CADM2: variants seen among roughly 807,000 people sequenced by gnomAD.
The protein encoded by CADM2 is immunoglobulin superfamily member 4D.
CADM2 carries 12 observed loss-of-function variants against 49.8 expected under a neutral mutation model. That is an observed-to-expected ratio of 0.24 (90% confidence interval 0.15 to 0.39). The LOEUF is 0.39. Ranked by LOEUF, CADM2 falls within the 10% of genes least tolerant of loss-of-function variation. The pLI, the probability that CADM2 is intolerant of heterozygous loss-of-function variation, is 1.00. For missense variants in CADM2, 378 were observed against 492.3 expected (o/e 0.77, Z 2.20); for synonymous variants, 214 against 175.4 (o/e 1.22, Z -1.74).
At chr3:85,897,139 T>G (rs1270614599) in intron 5 of CADM2, among the ~76,000 whole-genome samples, 1 of 151,886 alleles carries the variant, frequency 6.6e-6, no homozygotes, top group Non-Finnish European at 1.5e-5. Flanking sequence ...TTCTACCTTA[T>G]GAGTTCTTTC....
chr3:85,994,443 G>A lies in CADM2; in HGVS notation c.970+32796G>A, dbSNP rs567326830. On this transcript the variant is annotated intron_variant, in intron 8 of 9. Transcript: ENST00000383699. Reference sequence around the variant, plus strand: ...AAACTTTCTCTATATCAGCAATAAGGCTGTTTTGCTCCCTTATAATTTACA... The same window carrying A: ...AAACTTTCTCTATATCAGCAATAAGACTGTTTTGCTCCCTTATAATTTACA... 23 of 152,208 alleles carry A rather than the reference G, an allele frequency of 1.5e-4. 1 individual carries two copies. Among genetic ancestry groups the A allele is most frequent in the Admixed American group, 4.6e-4 (7 of 15,270 alleles). The allele number at this position is 152,208 out of a possible 1,614,324, so 9.4% of individuals were successfully genotyped here. A position where few individuals can be genotyped will look rare whatever the true frequency, so the allele number is the denominator to read the frequency against.
At chr3:85,592,661 T>C (rs1306963010) in intron 1 of CADM2, among the ~76,000 whole-genome samples, 5 of 151,862 alleles carry the variant, frequency 3.3e-5, no homozygotes, top group African/African-American at 1.2e-4. Flanking sequence ...GTAAGAAATA[T>C]AACTTGAGAA....
chr3:85,312,369 T>C (rs1167495559), intron 1 of CADM2, among the ~76,000 whole-genome samples: 1 of 152,170 alleles, frequency 6.6e-6, no homozygotes, highest in African/African-American at 2.4e-5. Flanking sequence ...AGGATGACAA[T>C]GTTGCATCAA....
At chr3:85,479,820 T>A (rs1218748636) in intron 1 of CADM2, among the ~76,000 whole-genome samples, 1 of 151,956 alleles carries the variant, frequency 6.6e-6, no homozygotes. Flanking sequence ...GAGAAAAGGA[T>A]ATGTCCTGTT....
At chr3:85,049,512 G>A (rs1374886036) in intron 1 of CADM2, among the ~76,000 whole-genome samples, 1 of 151,656 alleles carries the variant, frequency 6.6e-6, no homozygotes, top group Non-Finnish European at 1.5e-5. Flanking sequence ...CACCACACCC[G>A]GCTATTTCTT....
intron 1 of CADM2, among the ~76,000 whole-genome samples, chr3:85,121,383 C>T (rs1416371474): frequency 1.3e-5 from 2 of 152,158 alleles, no homozygotes; most frequent in Non-Finnish European, 2.9e-5. Context: ...GAAATTATTA[C>T]ATATTCCTGT....
intron 1 of CADM2, among the ~76,000 whole-genome samples, chr3:85,155,633 A>G (rs553194430): frequency 1.3e-5 from 2 of 152,182 alleles, no homozygotes; most frequent in East Asian, 3.9e-4. Flanking sequence ...TCAACAGAAT[A>G]TACATTTTTT....
At chr3:85,458,705 A>G (rs2038105835) in intron 1 of CADM2, among the ~76,000 whole-genome samples, 1 of 151,970 alleles carries the variant, frequency 6.6e-6, no homozygotes, top group Non-Finnish European at 1.5e-5. Flanking sequence ...GTGGGAGACA[A>G]GCTCTGAGAT....
Position 85,793,889 on chromosome 3 carries a change from G to A in CADM2, c.89-8158G>A, listed in dbSNP as rs1161754321. Reference sequence around the variant, plus strand: ...GTTGATGCAAGATTTATTGGACAAGGAAGAAAAGGTAAAATACTTTCAAAA... The same window carrying A: ...GTTGATGCAAGATTTATTGGACAAGAAAGAAAAGGTAAAATACTTTCAAAA... On this transcript the variant is annotated intron_variant, in intron 2 of 9. Coordinates refer to ENST00000383699, the MANE Select transcript of CADM2 (RefSeq NM_001167675.2). Among the ~76,000 whole-genome samples the A allele has an allele frequency of 5.3e-5, 8 of 152,230 alleles. No individual in the cohort carries two copies. The South Asian group carries it at 1.2e-3, about 24-fold the overall frequency.
intron 1 of CADM2, among the ~76,000 whole-genome samples, chr3:85,169,841 T>C (rs567496591): frequency 6.6e-6 from 1 of 152,312 alleles, no homozygotes; most frequent in East Asian, 1.9e-4. Flanking sequence ...ATAATGATTT[T>C]CAATGATTTT....
intron 1 of CADM2, among the ~76,000 whole-genome samples, chr3:85,282,750 A>G (rs142957770): frequency 8.5e-5 from 13 of 152,236 alleles, no homozygotes; most frequent in African/African-American, 3.1e-4. Flanking sequence ...TTTCTAGCTT[A>G]TTAAAACAAT....
intron 1 of CADM2, among the ~76,000 whole-genome samples, chr3:85,538,973 G>T (rs2107017866): frequency 6.6e-6 from 1 of 152,196 alleles, no homozygotes; most frequent in Non-Finnish European, 1.5e-5. Flanking sequence ...GAATATATTT[G>T]TGAGAGAAAA....
At chr3:84,963,260 A>G (rs951547209) in intron 1 of CADM2, among the ~76,000 whole-genome samples, 23 of 152,174 alleles carry the variant, frequency 1.5e-4, no homozygotes, top group Admixed American at 1.3e-3. Flanking sequence ...TTGCAAGGAA[A>G]GCTTGCCACC....
chr3:85,091,414 A>G (rs1431173417), intron 1 of CADM2, among the ~76,000 whole-genome samples: 2 of 152,230 alleles, frequency 1.3e-5, no homozygotes, highest in African/African-American at 4.8e-5. Context: ...TATTAAACAT[A>G]CGAAGTATAA....
chr3:85,909,824 G>A (rs1481574856), intron 5 of CADM2, among the ~76,000 whole-genome samples: 3 of 152,086 alleles, frequency 2.0e-5, no homozygotes, highest in Non-Finnish European at 2.9e-5. Context: ...GTAATGCATC[G>A]TTATTTTAAA....
intron 1 of CADM2, among the ~76,000 whole-genome samples, chr3:85,683,056 T>C (rs768123549): frequency 3.3e-5 from 5 of 152,120 alleles, no homozygotes; most frequent in Admixed American, 3.3e-4. Context: ...GGGTTTATTA[T>C]TCTGGTGTCA....
intron 1 of CADM2, among the ~76,000 whole-genome samples, chr3:85,486,691 T>A (rs1458250819): frequency 8.3e-6 from 1 of 119,980 alleles, no homozygotes; most frequent in African/African-American, 2.5e-5. Flanking sequence ...AGATGTATAA[T>A]AGGGAGACCA....
intron 1 of CADM2, among the ~76,000 whole-genome samples, chr3:85,492,750 T>G (rs1312979918): frequency 2.0e-5 from 3 of 151,664 alleles, no homozygotes; most frequent in Non-Finnish European, 4.4e-5. Flanking sequence ...CCTATCATTA[T>G]GCAGTGCTAT....
intron 1 of CADM2, among the ~76,000 whole-genome samples, chr3:85,646,264 A>C (rs1472146864): frequency 6.6e-6 from 1 of 152,022 alleles, no homozygotes; most frequent in Non-Finnish European, 1.5e-5. Context: ...TAGACATGTC[A>C]ATCTAGTTAA....
Sources: allele counts gnomAD v4.1 joint callset (sites outside exome capture counted in the v4.1 genomes callset), GRCh38; gene constraint gnomAD v4.1.1; transcripts MANE v1.5; gene names NCBI Gene and HGNC (gene_info 2026-07-23, HGNC 2026-07-21).